The following CNTNAP2 variants were observed in gnomAD, a reference collection of about 807,000 sequenced individuals.
CNTNAP2 encodes contactin-associated protein-like 2.
CNTNAP2 carries 98 observed loss-of-function variants against 155.2 expected under a neutral mutation model. The observed-to-expected ratio is 0.63, with a 90% CI of 0.54 to 0.75. The LOEUF is 0.75. Among genes scored for constraint, CNTNAP2 ranks in the 30% least tolerant of loss-of-function variants. CNTNAP2 has a pLI of 0.00. For synonymous variants in CNTNAP2, 651 were observed against 631.2 expected, an observed-to-expected ratio of 1.03 and a Z score of -0.47; for missense variants, 1,727 against 1,688.1, an observed-to-expected ratio of 1.02 and a Z score of -0.40.
chr7:146,340,255 G>A lies in CNTNAP2; in HGVS notation c.97+223282G>A, dbSNP rs75949717. On this transcript the variant is annotated intron_variant, in intron 1 of 23. Transcript: ENST00000361727. ...AAAGCCAATTTTAACTCAGGAGACA[G>A]GATAACCTTTTTTTGTTTGTTGTTG... is the stretch of plus-strand genomic sequence containing the variant. Among the ~76,000 whole-genome samples the A allele has an allele frequency of 4.1e-4, 61 of 148,506 alleles. No individual in the cohort carries two copies. In the East Asian group the frequency reaches 9.0e-3, roughly 22 times the overall value.
chr7:147,862,959 C>T (rs2116688786), intron 13 of CNTNAP2, among the ~76,000 whole-genome samples: 1 of 151,962 alleles, frequency 6.6e-6, no homozygotes, highest in Non-Finnish European at 1.5e-5. Context: ...ATTTTAAGTT[C>T]TAGGGTACAT....
chr7:148,085,221 A>T (rs1447735431), intron 15 of CNTNAP2, among the ~76,000 whole-genome samples: 3 of 152,248 alleles, frequency 2.0e-5, no homozygotes, highest in African/African-American at 7.2e-5. Flanking sequence ...TTATGTAAAT[A>T]CATCGAGGTC....
chr7:148,066,248 A>G (rs1242499050), intron 15 of CNTNAP2, among the ~76,000 whole-genome samples: 1 of 152,134 alleles, frequency 6.6e-6, no homozygotes, highest in Non-Finnish European at 1.5e-5. Context: ...AGATAACCTA[A>G]TGACTATGTG....
intron 13 of CNTNAP2, among the ~76,000 whole-genome samples, chr7:147,797,093 C>T (rs907758199): frequency 3.9e-5 from 6 of 152,002 alleles, no homozygotes; most frequent in Non-Finnish European, 8.8e-5. Context: ...TTACTTAGTC[C>T]CACCCTGATA....
intron 1 of CNTNAP2, among the ~76,000 whole-genome samples, chr7:146,532,549 TTA>T (rs1295923483): frequency 2.0e-5 from 3 of 152,174 alleles, no homozygotes; most frequent in Non-Finnish European, 4.4e-5. Context: ...CCTCACAACC[TTA>T]TGTCACAACA....
At chr7:146,851,555 C>T (rs1220689188) in intron 3 of CNTNAP2, among the ~76,000 whole-genome samples, 1 of 152,002 alleles carries the variant, frequency 6.6e-6, no homozygotes, top group African/African-American at 2.4e-5. Context: ...TTGACTCCTC[C>T]TCTGAGGGAG....
At chr7:146,663,059 C>T (rs929166452) in intron 1 of CNTNAP2, among the ~76,000 whole-genome samples, 1 of 152,030 alleles carries the variant, frequency 6.6e-6, no homozygotes, top group Non-Finnish European at 1.5e-5. Flanking sequence ...GGGCGGATCA[C>T]CTGAGGTCAG....
intron 21 of CNTNAP2, among the ~76,000 whole-genome samples, chr7:148,345,714 C>CTGTG (rs1285051462): frequency 2.6e-5 from 4 of 152,098 alleles, no homozygotes; most frequent in African/African-American, 9.7e-5. Flanking sequence ...AACTGGACAA[C>CTGTG]TGTGGGGCAG....
intron 1 of CNTNAP2, among the ~76,000 whole-genome samples, chr7:146,633,851 A>AAAAAAC: frequency 2.3e-5 from 3 of 132,874 alleles, no homozygotes; most frequent in Admixed American, 7.4e-5. Context: ...AAAAAAAAAA[A>AAAAAAC]AAAAACAGAA....
At position 147,902,794 on chromosome 7, in the gene CNTNAP2, G is replaced by GTGTGTGTGTGTGTA. The variant is rs1799891861; in HGVS notation, c.2099-758_2099-757insATGTGTGTGTGTGT. Among the ~76,000 whole-genome samples the GTGTGTGTGTGTGTA allele has an allele frequency of 2.2e-5, 3 of 137,142 alleles. No homozygotes were observed. In the Admixed American group the frequency reaches 2.4e-4, roughly 11 times the overall value. 90.0% of individuals were successfully genotyped at this position (137,142 alleles called of 152,430 possible). A position where few individuals can be genotyped will look rare whatever the true frequency, so the allele number is the denominator to read the frequency against. On this transcript the variant is annotated intron_variant, in intron 13 of 23. Coordinates refer to ENST00000361727, the MANE Select transcript of CNTNAP2 (RefSeq NM_014141.6). ...CATATATGTTTGTGTGTGTGTGTGT[G>GTGTGTGTGTGTGTA]TGTGTGTGTGTGTGTGTGTATGTGT...
At chr7:147,337,358 C>T (rs1474555673) in intron 9 of CNTNAP2, among the ~76,000 whole-genome samples, 1 of 152,078 alleles carries the variant, frequency 6.6e-6, no homozygotes, top group Non-Finnish European at 1.5e-5. Context: ...AATGGAATTG[C>T]TGAGCTAAAG....
chr7:147,462,473 C>G (rs565587595), intron 10 of CNTNAP2, among the ~76,000 whole-genome samples: 1 of 152,254 alleles, frequency 6.6e-6, no homozygotes, highest in African/African-American at 2.4e-5. Flanking sequence ...TAACGTTAGC[C>G]AATTTACTTA....
chr7:147,755,809 G>T (rs1462997122), intron 13 of CNTNAP2, among the ~76,000 whole-genome samples: 1 of 152,142 alleles, frequency 6.6e-6, no homozygotes, highest in Non-Finnish European at 1.5e-5. Flanking sequence ...GGGATTTCTA[G>T]AAATTTTAAA....
chr7:147,743,183 G>T (rs931515802), intron 13 of CNTNAP2, among the ~76,000 whole-genome samples: 1 of 152,166 alleles, frequency 6.6e-6, no homozygotes, highest in African/African-American at 2.4e-5. Flanking sequence ...CCAGCCCCTA[G>T]TAGCTCCTCC....
At position 148,061,954 on chromosome 7, in the gene CNTNAP2, TATAGATAGATAGATAGATAG is replaced by T. The variant is rs10535597; in HGVS notation, c.2384-56129_2384-56110del. Among the ~76,000 whole-genome samples, 411 of 95,956 alleles carry T rather than the reference TATAGATAGATAGATAGATAG, an allele frequency of 4.3e-3. 10 individuals carry two copies. The highest frequency in any genetic ancestry group is 0.015 in the African/African-American group (363 of 24,162). The allele number at this position is 95,956 out of a possible 152,430, so 63.0% of individuals were successfully genotyped here. On this transcript the variant is annotated intron_variant, in intron 15 of 23. Transcript: ENST00000361727. ...ATAGATAGATAGATAGATAAACAGA[TATAGATAGATAGATAGATAG>T]ATAGATAGATAGATAGATAGATAGA...
intron 1 of CNTNAP2, among the ~76,000 whole-genome samples, chr7:146,192,463 A>G (rs1231750798): frequency 6.6e-6 from 1 of 152,068 alleles, no homozygotes; most frequent in African/African-American, 2.4e-5. Flanking sequence ...GGGAGGCCTC[A>G]TAATCCTGGT....
chr7:146,534,921 A>G (rs1040232641), intron 1 of CNTNAP2, among the ~76,000 whole-genome samples: 3 of 148,330 alleles, frequency 2.0e-5, no homozygotes, highest in African/African-American at 7.5e-5. Flanking sequence ...ATTAGGCATA[A>G]AATTGCTGAG....
chr7:146,448,106 G>T (rs1464159420), intron 1 of CNTNAP2, among the ~76,000 whole-genome samples: 3 of 151,940 alleles, frequency 2.0e-5, no homozygotes, highest in Admixed American at 6.6e-5. Flanking sequence ...ACTGAGTAAA[G>T]AAAAATGGTT....
At chr7:147,696,793 A>AT (rs1013285742) in intron 13 of CNTNAP2, among the ~76,000 whole-genome samples, 1,778 of 148,350 alleles carry the variant, frequency 0.012, 38 homozygotes, top group African/African-American at 0.041. Context: ...AGGTTGGCTG[A>AT]TTTTTTTTTT....
Sources: allele counts gnomAD v4.1 joint callset (sites outside exome capture counted in the v4.1 genomes callset), GRCh38; gene constraint gnomAD v4.1.1; transcripts MANE v1.5; gene names NCBI Gene and HGNC (gene_info 2026-07-23, HGNC 2026-07-21).